MYO15B: variants seen among roughly 807,000 people sequenced by gnomAD.
The protein encoded by MYO15B is myosin XVB pseudogene.
Under a neutral mutation model 119.3 loss-of-function variants are expected in MYO15B, and 207 were observed. The observed-to-expected ratio is 1.73, with a 90% CI of 1.55 to 1.95. The LOEUF is 1.95. Among genes scored for constraint, MYO15B ranks in the 30% most tolerant of loss-of-function variants. The probability of loss-of-function intolerance (pLI) is 0.00; values close to 1 mark genes in which losing one functional copy is unlikely to be tolerated. For missense variants in MYO15B, 2,264 were observed against 1,203.1 expected (o/e 1.88, Z -13.04); for synonymous variants, 966 against 498.9 (o/e 1.94, Z -12.48).
chr17:75,620,913 T>G, intron 49 of MYO15B, 118 bp from the exon 50 acceptor site: 2 of 702,270 alleles, frequency 2.8e-6, no homozygotes, highest in Non-Finnish European at 5.2e-6. Context: ...AGCTCTTCAC[T>G]TTCCTGGCTT....
In MYO15B at chr17:75,613,344, G is replaced by A. The variant is rs2058147978; in HGVS notation, c.5019G>A (p.Lys1673=). The stretch of plus-strand genomic sequence containing the variant: ...GCATGGCAGCGCTGTGCCAGCACAA[G>A]CTGCTGGGGGCCTTGGAGCAGTCGC... Residue 1673 remains lysine (K), a synonymous_variant, in exon 28 of 64, where the codon AAG becomes AAA. Coordinates refer to ENST00000645453, the Ensembl canonical transcript of MYO15B. The A allele has an allele frequency of 4.5e-6, 3 of 673,858 alleles. No individual in the cohort carries two copies. The African/African-American group carries it at 5.4e-5, about 12-fold the overall frequency. 41.7% of individuals were successfully genotyped at this position (673,858 alleles called of 1,614,324 possible).
chr17:75,601,531 G>C (rs866725429), exon 15 of MYO15B: 1 of 703,024 alleles, frequency 1.4e-6, no homozygotes, highest in Non-Finnish European at 2.6e-6. Context: ...CGTGTTCACC[G>C]TGCGACATTA....
intron 9 of MYO15B, among the ~76,000 whole-genome samples, chr17:75,593,284 A>G (rs1040639205): frequency 1.3e-5 from 2 of 151,052 alleles, no homozygotes; most frequent in Admixed American, 1.3e-4. Context: ...TGGGTGGATC[A>G]CTTGAGCCCA....
chr17:75,613,796 G>T lies in MYO15B; in HGVS notation c.5219+19G>T. ...AGAGCAGGTATGGGGACCGGGGATG[G>T]GGGACAGTGTGGCCAAAGTGACCCT... On this transcript the variant is annotated intron_variant, in intron 29 of 63. Coordinates refer to ENST00000645453, the Ensembl canonical transcript of MYO15B. The T allele has an allele frequency of 1.4e-6, 1 of 696,842 alleles. No homozygotes were observed. The highest frequency in any genetic ancestry group is 2.6e-6 in the Non-Finnish European group (1 of 381,926). The allele number at this position is 696,842 out of a possible 1,614,324, so 43.2% of individuals were successfully genotyped here.
chr17:75,619,606 C>A, intron 45 of MYO15B, 75 bp from the exon 46 acceptor site: 1 of 693,880 alleles, frequency 1.4e-6, no homozygotes, highest in Non-Finnish European at 2.6e-6. Context: ...CAGCCACTGG[C>A]CCTGGGCAGC....
rs183222175 is a variant in MYO15B at position 75,592,859 on chromosome 17, A to G, written c.2991+19A>G. 6.3e-5 allele frequency: 44 copies of G among 698,414 alleles called. No individual in the cohort carries two copies. In the Admixed American group the frequency reaches 8.8e-4, roughly 14 times the overall value. 43.3% of individuals were successfully genotyped at this position (698,414 alleles called of 1,614,324 possible). ...CTCAGAGGTGGGCTTCCCCGTGGGC[A>G]GGGGCCATCTGGGGTGCTGGGTCTG... On this transcript the variant is annotated intron_variant, in intron 9 of 63. Transcript: ENST00000645453.
At chr17:75,617,746 G>C in intron 41 of MYO15B, 64 bp from the exon 42 acceptor site, 1 of 658,060 alleles carries the variant, frequency 1.5e-6, no homozygotes, top group South Asian at 1.6e-5. Flanking sequence ...CTTCCCTCCC[G>C]TGCCCCCATC....
At position 75,615,345 on chromosome 17, in the gene MYO15B, C is replaced by G. The variant is rs1475835178; in HGVS notation, c.5740+7C>G. On this transcript the variant is annotated splice_region_variant and intron_variant, in intron 34 of 63. Coordinates refer to ENST00000645453, the Ensembl canonical transcript of MYO15B. Reference sequence around the variant, plus strand: ...ACAGTCCCTGCCATGCCAGGTAAGTCTGGGCTGGGGGCACCAGAGTCCCTT... The same window carrying G: ...ACAGTCCCTGCCATGCCAGGTAAGTGTGGGCTGGGGGCACCAGAGTCCCTT... The G allele has an allele frequency of 1.3e-5, 9 of 701,590 alleles. No individual in the cohort carries two copies. Among genetic ancestry groups the G allele is most frequent in the Non-Finnish European group, 2.1e-5 (8 of 384,296 alleles). The allele number at this position is 701,590 out of a possible 1,614,324, so 43.5% of individuals were successfully genotyped here. A position where few individuals can be genotyped will look rare whatever the true frequency, so the allele number is the denominator to read the frequency against.
chr17:75,593,061 A>C (rs1427868415), intron 9 of MYO15B: 2 of 508,516 alleles, frequency 3.9e-6, no homozygotes, highest in Admixed American at 3.6e-5. Context: ...AACATCTGGC[A>C]TTAGATGAGC....
exon 6 of MYO15B, chr17:75,592,047 G>A (rs1414267662): frequency 8.5e-6 from 6 of 702,820 alleles, no homozygotes; most frequent in African/African-American, 7.0e-5. Context: ...AATGCCAGCC[G>A]CTTCGGCCAG....
At chr17:75,605,743 C>T (rs2057602018) in intron 20 of MYO15B, 121 bp from the exon 21 acceptor site, 9 of 660,018 alleles carry the variant, frequency 1.4e-5, no homozygotes, top group South Asian at 1.3e-4. Flanking sequence ...GACAGAAGGG[C>T]TGGACGGCAG....
At chr17:75,622,203 G>A in intron 53 of MYO15B, 123 bp downstream of exon 53, 1 of 640,336 alleles carries the variant, frequency 1.6e-6, no homozygotes, top group South Asian at 1.7e-5. Context: ...AGCACCCATT[G>A]CGTGCAGGGG....
intron 62 of MYO15B, 50 bp downstream of exon 62, chr17:75,626,027 C>T (rs1406067508): frequency 1.4e-6 from 1 of 697,346 alleles, no homozygotes; most frequent in South Asian, 1.5e-5. Context: ...TTGGGCTGTT[C>T]CATCACCCAC....
chr17:75,588,713 G>T (rs925016381), exon 1 of MYO15B: 40 of 398,882 alleles, frequency 1.0e-4, no homozygotes, highest in African/African-American at 8.3e-4. Context: ...GCAGATACCC[G>T]GGGCCGGGAA....
At chr17:75,611,763 T>A (rs986530195) in intron 24 of MYO15B, 105 bp downstream of exon 24, 2 of 695,356 alleles carry the variant, frequency 2.9e-6, no homozygotes, top group Admixed American at 2.0e-5. Context: ...CAGACTCCCC[T>A]GAGCTCATCA....
At chr17:75,624,672 C>T (rs1157241309) in intron 58 of MYO15B, 33 bp downstream of exon 58, 2 of 702,964 alleles carry the variant, frequency 2.8e-6, no homozygotes, top group Non-Finnish European at 5.2e-6. Flanking sequence ...ACGGTGGGGC[C>T]ACTCCCCTGC....
At chr17:75,622,474 G>A (rs2058764703) in intron 53 of MYO15B, among the ~76,000 whole-genome samples, 1 of 152,212 alleles carries the variant, frequency 6.6e-6, no homozygotes, top group Non-Finnish European at 1.5e-5. Context: ...AGCCTAGTGA[G>A]CTGCAGGGAG....
Position 75,609,950 on chromosome 17 carries a change from CA to C in MYO15B, c.4293-213del, listed in dbSNP as rs560547552. 5.1e-3 allele frequency among the ~76,000 whole-genome samples: 769 copies of C among 152,016 alleles called. 4 individuals are homozygous for C. The highest frequency in any genetic ancestry group is 8.1e-3 in the Non-Finnish European group (548 of 67,922). ...AAGTGATCCACCCGCCTTGGCCTCC[CA>C]AAGTGCTGGGATTACAGGCATCAGC... On this transcript the variant is annotated intron_variant, in intron 21 of 63. Transcript: ENST00000645453.
At chr17:75,624,664 G>T (rs1002847181) in intron 58 of MYO15B, 25 bp downstream of exon 58, 4 of 702,890 alleles carry the variant, frequency 5.7e-6, no homozygotes, top group Non-Finnish European at 7.8e-6. Flanking sequence ...GGAGCCTCAC[G>T]GTGGGGCCAC....
Sources: gnomAD v4.1 joint callset for allele counts (sites outside exome capture counted in the v4.1 genomes callset) on GRCh38, gnomAD v4.1.1 for gene constraint, MANE v1.5 for transcripts, NCBI Gene and HGNC (gene_info 2026-07-23, HGNC 2026-07-21) for gene names.